UBE3C: variants seen among roughly 807,000 people sequenced by gnomAD.
The protein encoded by UBE3C is ubiquitin protein ligase E3C.
A neutral mutation model predicts 129.4 loss-of-function variants in UBE3C; 42 were observed. The ratio of observed to expected loss-of-function variants is 0.32; its 90% CI spans 0.25 to 0.42. UBE3C has a LOEUF of 0.42. Among genes scored for constraint, UBE3C ranks in the 10% least tolerant of loss-of-function variants. The pLI is 1.00. For missense variants in UBE3C, 1,049 were observed against 1,319.1 expected (o/e 0.80, Z 3.17); for synonymous variants, 510 against 492.4 (o/e 1.04, Z -0.47).
At chr7:157,197,796 C>T in intron 10 of UBE3C, 1 of 1,613,158 alleles carries the variant, frequency 6.2e-7, no homozygotes, top group African/African-American at 1.3e-5. Context: ...TATCAAACGA[C>T]TCCCATCTGC....
intron 22 of UBE3C, among the ~76,000 whole-genome samples, chr7:157,266,591 T>G (rs1303092663): frequency 3.3e-5 from 5 of 152,244 alleles, no homozygotes; most frequent in African/African-American, 4.8e-5. Context: ...TTAATGTGCT[T>G]CTAAAACAGC....
chr7:157,239,359 G>T (rs1343624323), intron 18 of UBE3C, among the ~76,000 whole-genome samples: 1 of 152,202 alleles, frequency 6.6e-6, no homozygotes, highest in African/African-American at 2.4e-5. Context: ...CATTTTGTCA[G>T]ATTTCATTTA....
intron 22 of UBE3C, among the ~76,000 whole-genome samples, chr7:157,258,919 T>C (rs947995552): frequency 2.6e-5 from 4 of 152,242 alleles, no homozygotes; most frequent in African/African-American, 9.6e-5. Flanking sequence ...TATCATTCTT[T>C]TCATGCATTT....
chr7:157,159,563 G>T (rs1808011359), intron 1 of UBE3C, among the ~76,000 whole-genome samples: 1 of 152,186 alleles, frequency 6.6e-6, no homozygotes, highest in Non-Finnish European at 1.5e-5. Context: ...TTGTATCAGA[G>T]AACGTGATTA....
chr7:157,187,790 A>G (rs906888098), intron 10 of UBE3C, among the ~76,000 whole-genome samples: 28 of 151,944 alleles, frequency 1.8e-4, no homozygotes, highest in Admixed American at 4.6e-4. Context: ...GTTAGCCAGG[A>G]TGGTCTTGAT....
At chr7:157,205,954 C>G (rs533932180) in intron 11 of UBE3C, among the ~76,000 whole-genome samples, 1 of 152,160 alleles carries the variant, frequency 6.6e-6, no homozygotes, top group Non-Finnish European at 1.5e-5. Context: ...GAACAAGTGG[C>G]CTTACCTTCT....
At chr7:157,226,785 G>T (rs1190449669) in intron 17 of UBE3C, among the ~76,000 whole-genome samples, 1 of 151,154 alleles carries the variant, frequency 6.6e-6, no homozygotes, top group African/African-American at 2.4e-5. Context: ...CTGATGCCGA[G>T]TGTCATCAGC....
intron 2 of UBE3C, among the ~76,000 whole-genome samples, chr7:157,164,157 T>C (rs1029696425): frequency 1.3e-5 from 2 of 152,010 alleles, no homozygotes; most frequent in Admixed American, 6.6e-5. Context: ...TTCATATTTC[T>C]TTTTCTTCTC....
intron 19 of UBE3C, among the ~76,000 whole-genome samples, chr7:157,251,084 CTAA>C (rs1250396742): frequency 6.6e-6 from 1 of 152,034 alleles, no homozygotes; most frequent in Non-Finnish European, 1.5e-5. Context: ...ACTAAAGAGC[CTAA>C]TGAGAAAAAT....
intron 21 of UBE3C, among the ~76,000 whole-genome samples, chr7:157,255,249 A>G (rs1338454253): frequency 6.6e-6 from 1 of 152,228 alleles, no homozygotes; most frequent in Non-Finnish European, 1.5e-5. Context: ...ATTAGTCATT[A>G]TAGAAAAATG....
rs1442501214 is a variant in UBE3C at position 157,139,136 on chromosome 7, G to C, written c.-137G>C. On this transcript the variant is annotated 5_prime_UTR_variant, in exon 1 of 23. Transcript: ENST00000348165. Reference sequence around the variant, plus strand: ...AGGGTACAGCCCGGGGGCGGGCTCGGGTCGCCTCCCGGCCGCCGCGTCCTC... The same window carrying C: ...AGGGTACAGCCCGGGGGCGGGCTCGCGTCGCCTCCCGGCCGCCGCGTCCTC... 5.2e-6 allele frequency: 2 copies of C among 387,382 alleles called. No homozygotes were observed. Among genetic ancestry groups the C allele is most frequent in the East Asian group, 1.6e-4 (1 of 6,310 alleles). 24.0% of individuals were successfully genotyped at this position (387,382 alleles called of 1,614,324 possible). A position where few individuals can be genotyped will look rare whatever the true frequency, so the allele number is the denominator to read the frequency against.
chr7:157,229,462 G>C (rs1795963238), intron 17 of UBE3C, among the ~76,000 whole-genome samples: 1 of 151,860 alleles, frequency 6.6e-6, no homozygotes. Context: ...TTACAGGCAT[G>C]CACCACCACG....
At chr7:157,195,085 A>G (rs1809080197) in intron 10 of UBE3C, among the ~76,000 whole-genome samples, 1 of 152,250 alleles carries the variant, frequency 6.6e-6, no homozygotes, top group Non-Finnish European at 1.5e-5. Flanking sequence ...CCTTCTGCTA[A>G]TACTTCAGAA....
chr7:157,184,567 A>G (rs912474755), intron 9 of UBE3C, among the ~76,000 whole-genome samples: 11 of 152,234 alleles, frequency 7.2e-5, no homozygotes, highest in African/African-American at 2.7e-4. Context: ...TTAACCGCCA[A>G]TGACTTTTTT....
chr7:157,156,580 A>G (rs1356512328), intron 1 of UBE3C, among the ~76,000 whole-genome samples: 1 of 151,976 alleles, frequency 6.6e-6, no homozygotes, highest in Non-Finnish European at 1.5e-5. Flanking sequence ...TGCTAGCGTT[A>G]CAGGCATGAG....
At chr7:157,215,004 A>G (rs1166283727) in intron 13 of UBE3C, among the ~76,000 whole-genome samples, 2 of 152,210 alleles carry the variant, frequency 1.3e-5, no homozygotes, top group East Asian at 3.8e-4. Flanking sequence ...GTTTACCCTG[A>G]TTAGTTCACT....
intron 18 of UBE3C, among the ~76,000 whole-genome samples, chr7:157,238,777 C>T (rs2116655485): frequency 6.6e-6 from 1 of 152,204 alleles, no homozygotes; most frequent in Non-Finnish European, 1.5e-5. Flanking sequence ...AAGAACTGAG[C>T]CCCAGGGCTC....
At chr7:157,139,871 A>T (rs758553740) in intron 1 of UBE3C, 29 of 455,460 alleles carry the variant, frequency 6.4e-5, no homozygotes, top group Non-Finnish European at 8.1e-5. Flanking sequence ...GCTGATGTCG[A>T]TAATCTCTAA....
At chr7:157,146,238 G>T (rs1807600216) in intron 1 of UBE3C, among the ~76,000 whole-genome samples, 1 of 151,988 alleles carries the variant, frequency 6.6e-6, no homozygotes, top group Non-Finnish European at 1.5e-5. Flanking sequence ...TATTTTTATG[G>T]ATCTATTTCT....
Sources: gnomAD v4.1 joint callset for allele counts (sites outside exome capture counted in the v4.1 genomes callset) on GRCh38, gnomAD v4.1.1 for gene constraint, MANE v1.5 for transcripts, NCBI Gene and HGNC (gene_info 2026-07-23, HGNC 2026-07-21) for gene names.